MARCHF8: variants seen among roughly 807,000 people sequenced by gnomAD.
MARCHF8 encodes the protein membrane associated ring-CH-type finger 8.
In MARCHF8, 40 loss-of-function variants were observed where a neutral mutation model predicts 51.6. That is an observed-to-expected ratio of 0.77 (90% CI 0.60 to 1.01). The LOEUF is 1.01. Ranked by LOEUF, MARCHF8 falls within the 50% of genes least tolerant of loss-of-function variation. The pLI is 0.00. For missense variants in MARCHF8, 685 were observed against 708.6 expected, an observed-to-expected ratio of 0.97 and a Z score of 0.38; for synonymous variants, 263 against 280.3, an observed-to-expected ratio of 0.94 and a Z score of 0.62.
At position 45,528,602 on chromosome 10, in the gene MARCHF8, A is replaced by T. The variant is rs552635558; in HGVS notation, c.102+4508T>A. On this transcript the variant is annotated intron_variant, in intron 2 of 7. Coordinates refer to ENST00000453424, the MANE Select transcript of MARCHF8 (RefSeq NM_001282866.2). The stretch of plus-strand genomic sequence containing the variant: ...AGCATCCCAAGTCGCTGGGACTTAC[A>T]GGCACGTGCCACCACACCCAGCTAA... Among the ~76,000 whole-genome samples the T allele has an allele frequency of 2.0e-5, 3 of 152,266 alleles. No homozygotes were observed. In the South Asian group the frequency reaches 6.2e-4, roughly 32 times the overall value.
chr10:45,573,314 G>T (rs2044452844), intron 1 of MARCHF8, among the ~76,000 whole-genome samples: 1 of 152,092 alleles, frequency 6.6e-6, no homozygotes, highest in African/African-American at 2.4e-5. Context: ...CTCCTTCAAG[G>T]TGTACAATAA....
At chr10:45,548,183 C>A (rs535534263) in intron 1 of MARCHF8, among the ~76,000 whole-genome samples, 1 of 152,170 alleles carries the variant, frequency 6.6e-6, no homozygotes. Context: ...AAAACTGGGC[C>A]CCTAAGGAAA....
At position 45,569,561 on chromosome 10, in the gene MARCHF8, C is replaced by CT. The variant is rs1373495898; in HGVS notation, c.-79+24673dup. On this transcript the variant is annotated intron_variant, in intron 1 of 6. Coordinates refer to the MARCHF8 transcript ENST00000319836. The stretch of plus-strand genomic sequence containing the variant: ...ATCAGAGATATTGGCCTGCAGTTTT[C>CT]TTTTTTTGATGTGTGGAAAAGGACC... Among the ~76,000 whole-genome samples, 5 of 152,122 alleles carry CT rather than the reference C, an allele frequency of 3.3e-5. No homozygotes were observed. The South Asian group carries it at 1.0e-3, about 32-fold the overall frequency.
upstream of MARCHF8, among the ~76,000 whole-genome samples, chr10:45,537,609 C>T (rs11818651): frequency 9.8e-3 from 1,471 of 150,226 alleles, 29 homozygotes; most frequent in African/African-American, 0.034. Context: ...GCCGGTATGG[C>T]GCCACTGCAC....
At chr10:45,589,462 T>A (rs906395238) in intron 1 of MARCHF8, among the ~76,000 whole-genome samples, 22 of 152,358 alleles carry the variant, frequency 1.4e-4, no homozygotes, top group African/African-American at 4.8e-4. Context: ...CAATAGTTTT[T>A]AGCAAATGCA....
At chr10:45,476,867 A>G (rs904279892) in intron 3 of MARCHF8, among the ~76,000 whole-genome samples, 1 of 152,214 alleles carries the variant, frequency 6.6e-6, no homozygotes, top group African/African-American at 2.4e-5. Context: ...ATGGGACACC[A>G]TGAAATGACC....
chr10:45,474,866 A>G (rs752191103), intron 3 of MARCHF8, among the ~76,000 whole-genome samples: 2 of 152,176 alleles, frequency 1.3e-5, no homozygotes, highest in African/African-American at 4.8e-5. Flanking sequence ...CACTTCTGCA[A>G]TTCCAGCCAT....
At chr10:45,503,586 T>TA (rs1412304563) in intron 2 of MARCHF8, among the ~76,000 whole-genome samples, 28 of 142,436 alleles carry the variant, frequency 2.0e-4, no homozygotes, top group African/African-American at 7.4e-4. Context: ...AAACTAAAAA[T>TA]AAATAAAAAA....
intron 1 of MARCHF8, among the ~76,000 whole-genome samples, chr10:45,576,986 A>C (rs1382064498): frequency 7.2e-6 from 1 of 139,566 alleles, no homozygotes; most frequent in Non-Finnish European, 1.6e-5. Flanking sequence ...AAAAAAAAAA[A>C]AAAAGAAACT....
At position 45,466,014 on chromosome 10, in the gene MARCHF8, C is replaced by A. The variant is rs575424790; in HGVS notation, c.154-1687G>T. Among the ~76,000 whole-genome samples, 7 of 152,318 alleles carry A rather than the reference C, an allele frequency of 4.6e-5. No individual in the cohort carries two copies. The East Asian group carries it at 1.4e-3, about 29-fold the overall frequency. On this transcript the variant is annotated intron_variant, in intron 3 of 7. Coordinates refer to ENST00000453424, the MANE Select transcript of MARCHF8 (RefSeq NM_001282866.2). ...GCCTGTGGACACTATGCTGTGACAT[C>A]CCTTGCATCTTCTAGGCCTGACTGC...
chr10:45,548,443 C>T (rs576422062), intron 1 of MARCHF8, among the ~76,000 whole-genome samples: 4 of 152,076 alleles, frequency 2.6e-5, no homozygotes, highest in African/African-American at 7.2e-5. Flanking sequence ...GGGGCAGGTA[C>T]GTGAATTAGG....
At chr10:45,470,482 T>C (rs1203243779) in intron 3 of MARCHF8, among the ~76,000 whole-genome samples, 1 of 152,204 alleles carries the variant, frequency 6.6e-6, no homozygotes, top group East Asian at 1.9e-4. Context: ...TAAGCACTTG[T>C]GGGATTCCAT....
At chr10:45,504,196 A>C (rs1378369040) in intron 2 of MARCHF8, among the ~76,000 whole-genome samples, 2 of 152,276 alleles carry the variant, frequency 1.3e-5, no homozygotes, top group African/African-American at 4.8e-5. Flanking sequence ...CTATAATGCC[A>C]GCACTTTGGG....
At chr10:45,542,873 A>T (rs2044072252) in intron 1 of MARCHF8, among the ~76,000 whole-genome samples, 1 of 152,190 alleles carries the variant, frequency 6.6e-6, no homozygotes, top group African/African-American at 2.4e-5. Flanking sequence ...TAAGATAATA[A>T]ATAAAGAGGT....
intron 3 of MARCHF8, among the ~76,000 whole-genome samples, chr10:45,477,774 T>A (rs1370186990): frequency 6.6e-6 from 1 of 152,166 alleles, no homozygotes; most frequent in Non-Finnish European, 1.5e-5. Flanking sequence ...TAGCTATACC[T>A]ATATCAGATA....
At chr10:45,556,442 T>C (rs1477817517) in intron 1 of MARCHF8, among the ~76,000 whole-genome samples, 1 of 152,140 alleles carries the variant, frequency 6.6e-6, no homozygotes, top group Non-Finnish European at 1.5e-5. Flanking sequence ...GAGAGGGATA[T>C]AAAGAAACAA....
intron 1 of MARCHF8, among the ~76,000 whole-genome samples, chr10:45,587,960 C>G (rs1257246425): frequency 6.6e-6 from 1 of 152,078 alleles, no homozygotes; most frequent in African/African-American, 2.4e-5. Flanking sequence ...AATTAAAAAA[C>G]TGTGTATTCA....
intron 3 of MARCHF8, among the ~76,000 whole-genome samples, chr10:45,464,730 G>C (rs1323792695): frequency 3.9e-5 from 6 of 152,180 alleles, no homozygotes; most frequent in Admixed American, 3.3e-4. Context: ...TAGTTCCCAA[G>C]ATCAACAAGG....
chr10:45,562,441 T>A (rs1383654476), intron 1 of MARCHF8, among the ~76,000 whole-genome samples: 1 of 152,130 alleles, frequency 6.6e-6, no homozygotes, highest in African/African-American at 2.4e-5. Flanking sequence ...TAGCTCAGAC[T>A]ATAGAATTCT....
Sources: allele counts gnomAD v4.1 joint callset (sites outside exome capture counted in the v4.1 genomes callset), GRCh38; gene constraint gnomAD v4.1.1; transcripts MANE v1.5; gene names NCBI Gene and HGNC (gene_info 2026-07-23, HGNC 2026-07-21).